Variants in CCDC88A observed in about 807,000 individuals in gnomAD.
CCDC88A encodes coiled-coil and HOOK domain protein 88A.
A neutral mutation model predicts 234.3 loss-of-function variants in CCDC88A; 54 were observed. That is an observed-to-expected ratio of 0.23 (90% confidence interval 0.19 to 0.29). The LOEUF (loss-of-function observed/expected upper bound fraction) is 0.29, where lower values mean the gene tolerates loss of function less well. Among genes scored for constraint, CCDC88A ranks in the 10% least tolerant of loss-of-function variants. The probability of loss-of-function intolerance (pLI) is 1.00; values close to 1 mark genes in which losing one functional copy is unlikely to be tolerated. For missense variants in CCDC88A, 1,832 were observed against 2,123.4 expected, an observed-to-expected ratio of 0.86 and a Z score of 2.70; for synonymous variants, 753 against 737.8, an observed-to-expected ratio of 1.02 and a Z score of -0.33.
chr2:55,416,912 TTTTTC>T (rs1257471710), intron 2 of CCDC88A: 2 of 152,080 alleles, frequency 1.3e-5, no homozygotes, highest in Admixed American at 6.5e-5. Context: ...GTATACTTTT[TTTTTC>T]TTTTCTTTTC....
At chr2:55,292,247 A>G (rs1234688153) in intron 31 of CCDC88A, 1 of 152,302 alleles carries the variant, frequency 6.6e-6, no homozygotes, top group African/African-American at 2.4e-5. Flanking sequence ...ATATGTTTAT[A>G]ATTTCTAGAA....
At chr2:55,371,268 A>G (rs1672809097) in intron 5 of CCDC88A, among the ~76,000 whole-genome samples, 1 of 152,244 alleles carries the variant, frequency 6.6e-6, no homozygotes, top group Admixed American at 6.5e-5. Context: ...TCAATTGTGA[A>G]GTAAACACCT....
In CCDC88A at chr2:55,419,545, C is replaced by A; in HGVS notation, c.-466G>T. On this transcript the variant is annotated 5_prime_UTR_variant, in exon 1 of 33. Transcript: ENST00000436346. ...GCCACCAGACTCGACCTCGGCGTTC[C>A]GACCTCTACACGTTCCACCCACCGA... 6.1e-6 allele frequency: 1 copy of A among 162,848 alleles called. No homozygotes were observed. The highest frequency in any genetic ancestry group is 1.6e-4 in the South Asian group (1 of 6,178). The allele number at this position is 162,848 out of a possible 1,614,324, so 10.1% of individuals were successfully genotyped here. A position where few individuals can be genotyped will look rare whatever the true frequency, so the allele number is the denominator to read the frequency against.
chr2:55,380,129 G>A (rs949533133), intron 3 of CCDC88A, among the ~76,000 whole-genome samples: 5 of 149,764 alleles, frequency 3.3e-5, no homozygotes, highest in Admixed American at 1.3e-4. Flanking sequence ...CCAGCTACTC[G>A]GGAGGCTGAG....
rs1194748694 is a variant in CCDC88A, at chr2:55,289,999, G to C, written c.*1201C>G. 2 of 152,604 alleles carry C rather than the reference G, an allele frequency of 1.3e-5. No homozygotes were observed. The highest frequency in any genetic ancestry group is 3.9e-4 in the East Asian group (2 of 5,182). The allele number at this position is 152,604 out of a possible 1,614,324, so 9.5% of individuals were successfully genotyped here. A position where few individuals can be genotyped will look rare whatever the true frequency, so the allele number is the denominator to read the frequency against. On this transcript the variant is annotated 3_prime_UTR_variant, in exon 33 of 33. Transcript: ENST00000436346. Reference sequence around the variant, plus strand: ...TACTCTGATATTGATGTTAAATAATGAATTTGCATTAATGAGTATCAATGC... The same window carrying C: ...TACTCTGATATTGATGTTAAATAATCAATTTGCATTAATGAGTATCAATGC...
At chr2:55,306,358 G>T (rs1018320665) in intron 25 of CCDC88A, 2 of 152,018 alleles carry the variant, frequency 1.3e-5, no homozygotes, top group Non-Finnish European at 2.9e-5. Flanking sequence ...TTACTTGGTG[G>T]ACAAAACCAG....
intron 2 of CCDC88A, among the ~76,000 whole-genome samples, chr2:55,407,272 T>C (rs1371729449): frequency 6.6e-6 from 1 of 151,930 alleles, no homozygotes; most frequent in Non-Finnish European, 1.5e-5. Context: ...CTGAGATATC[T>C]CACAAAGTCT....
At chr2:55,382,705 G>T (rs1674794283) in intron 3 of CCDC88A, among the ~76,000 whole-genome samples, 1 of 152,088 alleles carries the variant, frequency 6.6e-6, no homozygotes, top group African/African-American at 2.4e-5. Flanking sequence ...AGACAAAAAG[G>T]TGTTTGCTAC....
intron 3 of CCDC88A, among the ~76,000 whole-genome samples, chr2:55,386,344 A>G (rs1019035893): frequency 2.0e-4 from 31 of 152,242 alleles, no homozygotes; most frequent in African/African-American, 7.5e-4. Flanking sequence ...TCACGCCCAT[A>G]ATCCCAACAC....
chr2:55,366,532 C>CAT (rs1174597362), intron 5 of CCDC88A, among the ~76,000 whole-genome samples: 2 of 112,272 alleles, frequency 1.8e-5, no homozygotes, highest in African/African-American at 7.7e-5. Flanking sequence ...GTCACACACA[C>CAT]ATACACACAC....
chr2:55,364,705 T>C (rs1671741944), intron 5 of CCDC88A, among the ~76,000 whole-genome samples: 1 of 152,160 alleles, frequency 6.6e-6, no homozygotes, highest in Non-Finnish European at 1.5e-5. Context: ...TTCTTTATTG[T>C]GTAACTTTTA....
Position 55,334,583 on chromosome 2 carries a change from T to C in CCDC88A, c.2238A>G (p.Ala746=). The change falls in exon 15 of 33, where the codon GCA becomes GCG. Residue 746 remains alanine, a synonymous_variant. Coordinates refer to ENST00000436346, the MANE Select transcript of CCDC88A (RefSeq NM_001365480.1). The surrounding 1 kb of genome is among the most constrained non-coding windows in gnomAD (Gnocchi z 6.1). ...CTAAGCGTTCTGTTTTCTTGAAAGA[T>C]GCTTTCAGGAGCTCCAAACCCTTCT... ...QLKKGLELLK[A]SFKKTERLEV... The C allele has an allele frequency of 1.2e-6, 2 of 1,613,082 alleles. No homozygotes were observed. The highest frequency in any genetic ancestry group is 1.7e-6 in the Non-Finnish European group (2 of 1,179,506).
chr2:55,374,114 C>T (rs1558765469), intron 4 of CCDC88A, among the ~76,000 whole-genome samples: 1 of 152,296 alleles, frequency 6.6e-6, no homozygotes, highest in East Asian at 1.9e-4. Flanking sequence ...TGGCTCATGC[C>T]TCTAATCCCA....
intron 8 of CCDC88A, chr2:55,355,355 A>T: frequency 4.7e-6 from 2 of 427,254 alleles, no homozygotes; most frequent in Non-Finnish European, 8.3e-6. Context: ...ATTTAAAAAA[A>T]TACATACTAG....
In CCDC88A at chr2:55,332,909, T is replaced by G. The variant is rs527842952; in HGVS notation, c.2728-216A>C. ...TTTTGCTAATACTTTAAACAAAACCTTAAAAGGGAGTAGTAACTCTTTACT... is the reference window on the plus strand; with the variant it reads ...TTTTGCTAATACTTTAAACAAAACCGTAAAAGGGAGTAGTAACTCTTTACT... On this transcript the variant is annotated intron_variant, in intron 15 of 32. Coordinates refer to ENST00000436346, the MANE Select transcript of CCDC88A (RefSeq NM_001365480.1). This position sits in a 1 kb window ranked among gnomAD's most constrained non-coding sequence, Gnocchi z 4.5. 1.5e-4 allele frequency among the ~76,000 whole-genome samples: 23 copies of G among 152,350 alleles called. No individual in the cohort carries two copies. Among genetic ancestry groups the G allele is most frequent in the African/African-American group, 4.8e-4 (20 of 41,590 alleles).
intron 12 of CCDC88A, among the ~76,000 whole-genome samples, chr2:55,342,642 T>C (rs540134604): frequency 1.6e-4 from 25 of 152,264 alleles, no homozygotes; most frequent in African/African-American, 3.6e-4. Flanking sequence ...AGTTCAATCA[T>C]TGAATATCAT....
Position 55,289,786 on chromosome 2 carries a change from AGAGAG to A in CCDC88A, c.*1409_*1413del, listed in dbSNP as rs1679321223. On this transcript the variant is annotated 3_prime_UTR_variant, in exon 33 of 33. Transcript: ENST00000436346. ...AAGAGGGAGAGAGAAAGAGAGAGAG[AGAGAG>A]AGAGAGAGAGAGACTTTTCTTATGG... The A allele has an allele frequency of 1.4e-5, 2 of 144,318 alleles. No homozygotes were observed. Among genetic ancestry groups the A allele is most frequent in the Non-Finnish European group, 3.2e-5 (2 of 63,452 alleles). 8.9% of individuals were successfully genotyped at this position (144,318 alleles called of 1,614,324 possible).
intron 2 of CCDC88A, among the ~76,000 whole-genome samples, chr2:55,390,999 A>T (rs190869364): frequency 1.3e-5 from 2 of 152,340 alleles, no homozygotes; most frequent in Admixed American, 6.5e-5. Context: ...CAAAAAACCA[A>T]GAAAATTTTG....
At chr2:55,298,840 A>T (rs1196108625) in intron 29 of CCDC88A, among the ~76,000 whole-genome samples, 1 of 145,892 alleles carries the variant, frequency 6.9e-6, no homozygotes, top group East Asian at 2.0e-4. Context: ...GTACCACTGC[A>T]CTCAGCCTGG....
Sources: allele counts gnomAD v4.1 joint callset (sites outside exome capture counted in the v4.1 genomes callset), GRCh38; gene constraint gnomAD v4.1.1; non-coding constraint Gnocchi (gnomAD v3.1); transcripts MANE v1.5; gene names NCBI Gene and HGNC (gene_info 2026-07-23, HGNC 2026-07-21).